The following GRAMD1A variants were observed in gnomAD, a reference collection of about 807,000 sequenced individuals.
GRAMD1A encodes the protein GRAM domain containing 1A, also known as protein Aster-A.
In GRAMD1A, 50 loss-of-function variants were observed where a neutral mutation model predicts 92.0. That is an observed-to-expected ratio of 0.54 (90% CI 0.43 to 0.69). The LOEUF (loss-of-function observed/expected upper bound fraction) is 0.69. Among genes scored for constraint, GRAMD1A ranks in the 30% least tolerant of loss-of-function variants. The probability of loss-of-function intolerance (pLI) is 0.00; values close to 1 mark genes in which losing one functional copy is unlikely to be tolerated. For synonymous variants in GRAMD1A, 405 were observed against 403.6 expected, an observed-to-expected ratio of 1.00 and a Z score of -0.04; for missense variants, 819 against 978.9, an observed-to-expected ratio of 0.84 and a Z score of 2.18.
chr19:35,018,372 A>G (rs1295193801), intron 11 of GRAMD1A, among the ~76,000 whole-genome samples: 1 of 152,168 alleles, frequency 6.6e-6, no homozygotes, highest in Admixed American at 6.5e-5. Flanking sequence ...GGTGCCACAC[A>G]CTTAAATGAC....
rs571992805 is a variant in GRAMD1A at position 35,009,808 on chromosome 19, G to A, written c.241-80G>A. Reference sequence around the variant, plus strand: ...GAATCTGTCAGGGACTTAAGAGACTGAGGGGGTTCCAGGAGCTTTGTGGGG... The same window carrying A: ...GAATCTGTCAGGGACTTAAGAGACTAAGGGGGTTCCAGGAGCTTTGTGGGG... On this transcript the variant is annotated intron_variant, in intron 3 of 19. Transcript: ENST00000317991. 3,943 of 856,286 alleles carry A rather than the reference G, an allele frequency of 4.6e-3. 17 individuals are homozygous for A. Among genetic ancestry groups the A allele is most frequent in the Non-Finnish European group, 5.5e-3 (2,719 of 490,150 alleles). The allele number at this position is 856,286 out of a possible 1,614,324, so 53.0% of individuals were successfully genotyped here. A position where few individuals can be genotyped will look rare whatever the true frequency, so the allele number is the denominator to read the frequency against.
At chr19:34,995,547 ATCTC>A (rs2013989851), upstream of GRAMD1A, among the ~76,000 whole-genome samples, 1 of 137,678 alleles carries the variant, frequency 7.3e-6, no homozygotes, top group Non-Finnish European at 1.5e-5. Flanking sequence ...TCCCACCCAG[ATCTC>A]TCTGACTCTC....
At chr19:35,005,792 C>T (rs2014768517) in intron 1 of GRAMD1A, 1 of 449,086 alleles carries the variant, frequency 2.2e-6, no homozygotes, top group Non-Finnish European at 4.5e-6. Flanking sequence ...AGTGACGGCC[C>T]AGAGTAGTCC....
rs2016220165 is a variant in GRAMD1A at position 35,023,437 on chromosome 19, C to A, written c.1972C>A (p.Gln658Lys). Residue 658 changes from glutamine to lysine, a missense_variant, in exon 19 of 20, where the codon CAG (glutamine) becomes AAG (lysine). Gln to Lys is a moderately conservative substitution (Grantham distance 53, BLOSUM62 1). Coordinates refer to ENST00000317991, the MANE Select transcript of GRAMD1A (RefSeq NM_020895.5). ...SLALAKGKFP[Q>K]TATEWAEILA... ...CTGGCATCCCCACAGCAAGTTCCCC[C>A]AGACGGCCACAGAGTGGGCCGAGAT... 3 of 1,592,198 alleles carry A rather than the reference C, an allele frequency of 1.9e-6. No individual in the cohort carries two copies. In the African/African-American group the frequency reaches 4.1e-5, roughly 22 times the overall value.
intron 1 of GRAMD1A, among the ~76,000 whole-genome samples, chr19:35,003,516 C>G (rs2014572958): frequency 6.6e-6 from 1 of 152,162 alleles, no homozygotes; most frequent in South Asian, 2.1e-4. Flanking sequence ...GGAGCAAAAA[C>G]TGGGGGCGTG....
intron 6 of GRAMD1A, 124 bp from the exon 7 acceptor site, chr19:35,011,350 G>A: frequency 1.3e-6 from 1 of 784,288 alleles, no homozygotes; most frequent in East Asian, 2.4e-5. Context: ...TAATGCAGGG[G>A]TGAATTAGTG....
chr19:34,997,696 C>T (rs374241322), upstream of GRAMD1A, among the ~76,000 whole-genome samples: 1 of 152,208 alleles, frequency 6.6e-6, no homozygotes, highest in East Asian at 1.9e-4. Flanking sequence ...GGAGCCTAAT[C>T]GTGTATCTTT....
In GRAMD1A at chr19:35,023,416, C is replaced by T; in HGVS notation, c.1962-11C>T. 2 of 1,599,540 alleles carry T rather than the reference C, an allele frequency of 1.3e-6. No homozygotes were observed. Among genetic ancestry groups the T allele is most frequent in the Non-Finnish European group, 1.7e-6 (2 of 1,172,370 alleles). On this transcript the variant is annotated splice_polypyrimidine_tract_variant and intron_variant, in intron 18 of 19. Coordinates refer to ENST00000317991, the MANE Select transcript of GRAMD1A (RefSeq NM_020895.5). ...AGGCCAAGGCCCTGCTCAGGCCTGG[C>T]ATCCCCACAGCAAGTTCCCCCAGAC...
chr19:34,996,306 G>A (rs897305925), upstream of GRAMD1A: 144 of 1,495,020 alleles, frequency 9.6e-5, no homozygotes, highest in Non-Finnish European at 1.2e-4. Flanking sequence ...GACCTGGGCA[G>A]TGGGACAGGA....
Position 35,010,052 on chromosome 19 carries a change from G to C in GRAMD1A, c.326-40G>C, listed in dbSNP as rs371255760. ...AGCCCGCGGGCGCCGGCTGAGCCTC[G>C]TGACTTGGGTGTCCTCCTGTCTCTC... On this transcript the variant is annotated intron_variant, in intron 4 of 19. Coordinates refer to ENST00000317991, the MANE Select transcript of GRAMD1A (RefSeq NM_020895.5). The C allele has an allele frequency of 1.0e-5, 16 of 1,529,846 alleles. No individual in the cohort carries two copies. The East Asian group carries it at 1.8e-4, about 17-fold the overall frequency. The allele number at this position is 1,529,846 out of a possible 1,614,324, so 94.8% of individuals were successfully genotyped here.
chr19:34,996,175 G>C (rs1261486687), upstream of GRAMD1A: 8 of 1,535,844 alleles, frequency 5.2e-6, no homozygotes, highest in South Asian at 9.5e-5. Flanking sequence ...AGCTCCTGGA[G>C]GTGCCCATCA....
At position 35,010,133 on chromosome 19, in the gene GRAMD1A, C is replaced by A; in HGVS notation, c.367C>A (p.Arg123Ser). 1.2e-6 allele frequency: 2 copies of A among 1,613,034 alleles called. No individual in the cohort carries two copies. The highest frequency in any genetic ancestry group is 1.3e-5 in the African/African-American group (1 of 75,036). ...GCAGCGTGAGATCCTGCTCCAGGGC[C>A]GCCTCTACCTCTCTGAGAACTGGAT... ...ALQREILLQG[R>S]LYLSENWICF... Residue 123 changes from arginine to serine, a missense_variant, in exon 5 of 20, where the codon CGC becomes AGC. Around this residue, in one of 3 missense-constraint regions of GRAMD1A, gnomAD observed 144 missense variants for 220.3 expected, o/e 0.65. Coordinates refer to ENST00000317991, the MANE Select transcript of GRAMD1A (RefSeq NM_020895.5).
At chr19:35,008,722 C>T (rs548391735) in intron 1 of GRAMD1A, among the ~76,000 whole-genome samples, 7 of 152,220 alleles carry the variant, frequency 4.6e-5, no homozygotes, top group African/African-American at 1.7e-4. Context: ...GAGGCTAAGG[C>T]AGGAGAATCA....
Position 35,019,488 on chromosome 19 carries a change from A to G in GRAMD1A, c.1430A>G (p.His477Arg). 1 of 1,614,008 alleles carries G rather than the reference A, an allele frequency of 6.2e-7. No individual in the cohort carries two copies. ...TACCAGGACTACTTCTACACTGCCC[A>G]CCGCTACTGCATCCTGGGTCTGGCC... ...IPYQDYFYTA[H>R]RYCILGLARN... The change falls in exon 13 of 20, where the codon CAC (histidine) becomes CGC (arginine). Residue 477 changes from histidine (H) to arginine (R), a missense_variant. Physicochemically the swap from His to Arg is conservative, Grantham distance 29. This residue lies in a region of GRAMD1A where 577 missense variants were observed against 674.6 expected (regional missense o/e 0.86). Transcript: ENST00000317991.
upstream of GRAMD1A, chr19:34,998,712 C>A: frequency 6.6e-6 from 1 of 151,320 alleles, no homozygotes. Flanking sequence ...GGGAGGAGGG[C>A]CTCTCTTCCA....
rs746351225 is a variant in GRAMD1A, at chr19:35,014,172, C to A, written c.871-17C>A. The A allele has an allele frequency of 6.2e-7, 1 of 1,609,614 alleles. No homozygotes were observed. Among genetic ancestry groups the A allele is most frequent in the Admixed American group, 1.7e-5 (1 of 60,012 alleles). ...GGGATGGAGGTGGCCAAGGCTGCAT[C>A]GGGCCTTTCTCCACAGGCAGAGGAG... is the stretch of plus-strand genomic sequence containing the variant. On this transcript the variant is annotated splice_polypyrimidine_tract_variant and intron_variant, in intron 9 of 19. Transcript: ENST00000317991.
At chr19:35,023,751 G>A (rs1020703007) in intron 19 of GRAMD1A, 16 of 531,252 alleles carry the variant, frequency 3.0e-5, no homozygotes, top group East Asian at 6.3e-5. Context: ...ATTGGCTCAC[G>A]TCCTGGAGAA....
In GRAMD1A at chr19:35,000,891, G is replaced by A. The variant is rs968933012; in HGVS notation, c.8+405G>A. Among the ~76,000 whole-genome samples the A allele has an allele frequency of 6.6e-6, 1 of 151,924 alleles. No homozygotes were observed. The highest frequency in any genetic ancestry group is 1.5e-5 in the Non-Finnish European group (1 of 67,954). On this transcript the variant is annotated intron_variant, in intron 1 of 19. Coordinates refer to ENST00000317991, the MANE Select transcript of GRAMD1A (RefSeq NM_020895.5). This position sits in a 1 kb window ranked among gnomAD's most constrained non-coding sequence, Gnocchi z 4.9. ...GGAGACAGGATCGGGACCAGCCCAG[G>A]CCCACAGGCCGCGGAGCCCTGGGCG...
In GRAMD1A at chr19:35,021,552, C is replaced by T. The variant is rs754266755; in HGVS notation, c.1526C>T (p.Ser509Leu). The change falls in exon 14 of 20, where the codon TCG becomes TTG. Residue 509 changes from serine (S) to leucine (L), a missense_variant. By Grantham distance (145) the Ser-to-Leu change is moderately radical (BLOSUM62 -2). Coordinates refer to ENST00000317991, the MANE Select transcript of GRAMD1A (RefSeq NM_020895.5). The surrounding 1 kb of genome is among the most constrained non-coding windows in gnomAD (Gnocchi z 5.3). ...YRKQPWSLVKSLIEKNSWSGI... is the reference protein window; with the variant it reads ...YRKQPWSLVKLLIEKNSWSGI... ...AAGCAGCCGTGGAGCCTGGTGAAGT[C>T]GCTCATTGAGAAGAACTCGTGGAGC... The T allele has an allele frequency of 9.9e-6, 16 of 1,614,088 alleles. 1 individual carries two copies. Among genetic ancestry groups the T allele is most frequent in the East Asian group, 2.2e-5 (1 of 44,886 alleles).
Sources: gnomAD v4.1 joint callset for allele counts (sites outside exome capture counted in the v4.1 genomes callset) on GRCh38, gnomAD v4.1.1 for gene constraint, gnomAD v4.1.1 regional missense constraint, Gnocchi (gnomAD v3.1) non-coding constraint, MANE v1.5 for transcripts, NCBI Gene and HGNC (gene_info 2026-07-23, HGNC 2026-07-21) for gene names.